SLC25A21: variants seen among roughly 807,000 people sequenced by gnomAD.
SLC25A21 encodes the protein mitochondrial 2-oxodicarboxylate carrier.
A neutral mutation model predicts 43.8 loss-of-function variants in SLC25A21; 47 were observed. The ratio of observed to expected loss-of-function variants is 1.07; its 90% CI spans 0.85 to 1.37. The LOEUF (loss-of-function observed/expected upper bound fraction) is 1.37, where lower values mean the gene tolerates loss of function less well. Ranked by LOEUF, SLC25A21 falls within the 40% of genes most tolerant of loss-of-function variation. SLC25A21 has a pLI of 0.00. For missense variants in SLC25A21, 352 were observed against 350.2 expected, an observed-to-expected ratio of 1.00 and a Z score of -0.04; for synonymous variants, 131 against 121.3, an observed-to-expected ratio of 1.08 and a Z score of -0.52.
chr14:36,697,524 A>C (rs1275309614), intron 7 of SLC25A21, among the ~76,000 whole-genome samples: 1 of 152,058 alleles, frequency 6.6e-6, no homozygotes, highest in East Asian at 1.9e-4. Context: ...AAAGTCTCCC[A>C]TTATTATTTT....
intron 3 of SLC25A21, among the ~76,000 whole-genome samples, chr14:36,796,559 A>G (rs1887681444): frequency 6.6e-6 from 1 of 152,052 alleles, no homozygotes; most frequent in African/African-American, 2.4e-5. Context: ...TGTGTACAAT[A>G]GGATCCTGAC....
chr14:37,102,721 C>T (rs1962839672), intron 1 of SLC25A21, among the ~76,000 whole-genome samples: 1 of 151,784 alleles, frequency 6.6e-6, no homozygotes, highest in South Asian at 2.1e-4. Context: ...CATGGTGGCT[C>T]ATACCTGTAA....
rs572675290 is a variant in SLC25A21, at chr14:36,692,266, A to G, written c.604-7341T>C. Among the ~76,000 whole-genome samples the G allele has an allele frequency of 2.0e-5, 3 of 152,338 alleles. No homozygotes were observed. The South Asian group carries it at 6.2e-4, about 32-fold the overall frequency. On this transcript the variant is annotated intron_variant, in intron 7 of 9. Transcript: ENST00000331299. ...TATAGACTCTTTGTGACTTAACAAG[A>G]GACATTAAGAAGTGATCCCAAAACG...
chr14:37,078,679 G>A (rs1962330041), intron 1 of SLC25A21, among the ~76,000 whole-genome samples: 2 of 152,186 alleles, frequency 1.3e-5, no homozygotes, highest in Admixed American at 6.5e-5. Context: ...TTTGAAAAAT[G>A]GAAAGATACT....
chr14:36,839,021 T>A (rs998547122), intron 2 of SLC25A21, among the ~76,000 whole-genome samples: 3 of 152,214 alleles, frequency 2.0e-5, no homozygotes, highest in Non-Finnish European at 4.4e-5. Flanking sequence ...TTAATCTACA[T>A]AATTACTATC....
intron 1 of SLC25A21, among the ~76,000 whole-genome samples, chr14:37,037,650 C>G (rs58096842): frequency 0.072 from 10,968 of 152,032 alleles, 841 homozygotes; most frequent in African/African-American, 0.19. Context: ...TGCTTATGTT[C>G]TGACCCTGCC....
At chr14:36,965,302 T>C (rs754601576) in intron 1 of SLC25A21, among the ~76,000 whole-genome samples, 5 of 152,114 alleles carry the variant, frequency 3.3e-5, no homozygotes, top group Non-Finnish European at 7.4e-5. Context: ...CACAAGTACA[T>C]CAATCTTTCA....
intron 1 of SLC25A21, among the ~76,000 whole-genome samples, chr14:37,108,136 T>C (rs1223357483): frequency 6.6e-6 from 1 of 152,178 alleles, no homozygotes; most frequent in Non-Finnish European, 1.5e-5. Flanking sequence ...GATGATATTA[T>C]TGTGGCAGTA....
chr14:36,723,355 A>G (rs116481863), intron 6 of SLC25A21, among the ~76,000 whole-genome samples: 244 of 152,366 alleles, frequency 1.6e-3, no homozygotes, highest in Middle Eastern at 6.8e-3. Context: ...TAGTTGCTGT[A>G]AATAAATGCT....
intron 1 of SLC25A21, among the ~76,000 whole-genome samples, chr14:36,975,539 G>A (rs552228635): frequency 2.6e-5 from 4 of 152,242 alleles, no homozygotes; most frequent in South Asian, 2.1e-4. Context: ...TAAGTTGTTC[G>A]ATGAGTACAA....
At chr14:37,164,283 T>C (rs767632033) in intron 1 of SLC25A21, among the ~76,000 whole-genome samples, 2 of 152,332 alleles carry the variant, frequency 1.3e-5, no homozygotes, top group South Asian at 4.1e-4. Context: ...TTAAAATACA[T>C]CCTTTAAAGG....
At chr14:37,048,082 G>A (rs955940740) in intron 1 of SLC25A21, among the ~76,000 whole-genome samples, 12 of 152,070 alleles carry the variant, frequency 7.9e-5, no homozygotes, top group African/African-American at 2.7e-4. Context: ...CTCCTTTCCA[G>A]GTCCATTCAT....
chr14:36,957,889 T>G (rs539330551), intron 1 of SLC25A21, among the ~76,000 whole-genome samples: 1 of 152,362 alleles, frequency 6.6e-6, no homozygotes, highest in Admixed American at 6.5e-5. Context: ...ATGGTTTTGT[T>G]TAGTATCATT....
chr14:36,963,270 T>C (rs183911184), intron 1 of SLC25A21, among the ~76,000 whole-genome samples: 12 of 152,262 alleles, frequency 7.9e-5, no homozygotes, highest in Non-Finnish European at 1.5e-4. Context: ...TCCCCCCTTT[T>C]CCTGTTTTAT....
chr14:36,816,879 C>G (rs1396880577), intron 2 of SLC25A21, among the ~76,000 whole-genome samples: 3 of 152,070 alleles, frequency 2.0e-5, no homozygotes, highest in African/African-American at 4.8e-5. Context: ...ATCTTCATTT[C>G]TGTATTTGCA....
At chr14:37,038,321 G>A (rs1218828666) in intron 1 of SLC25A21, among the ~76,000 whole-genome samples, 4 of 151,944 alleles carry the variant, frequency 2.6e-5, no homozygotes, top group South Asian at 4.2e-4. Context: ...AGAATAATAG[G>A]GTTGGCAAAA....
chr14:37,144,907 A>G (rs1165661074), intron 1 of SLC25A21, among the ~76,000 whole-genome samples: 3 of 151,052 alleles, frequency 2.0e-5, no homozygotes, highest in Non-Finnish European at 2.9e-5. Context: ...TGCTGTGATT[A>G]CACGCCCAGC....
At chr14:36,884,679 G>A (rs1890862429) in intron 1 of SLC25A21, among the ~76,000 whole-genome samples, 2 of 152,250 alleles carry the variant, frequency 1.3e-5, no homozygotes, top group Middle Eastern at 6.8e-3. Context: ...TCTCACAGGT[G>A]TGAGGTGATA....
At chr14:36,771,713 A>G (rs1456387270) in intron 3 of SLC25A21, among the ~76,000 whole-genome samples, 1 of 151,852 alleles carries the variant, frequency 6.6e-6, no homozygotes, top group East Asian at 1.9e-4. Flanking sequence ...GGGGACTTTT[A>G]TATAAAGTTG....
Sources: allele counts gnomAD v4.1 joint callset (sites outside exome capture counted in the v4.1 genomes callset), GRCh38; gene constraint gnomAD v4.1.1; transcripts MANE v1.5; gene names NCBI Gene and HGNC (gene_info 2026-07-23, HGNC 2026-07-21).